CLVS1: variants seen among roughly 807,000 people sequenced by gnomAD.
CLVS1 encodes the protein clavesin 1, also known as clavesin-1.
Under a neutral mutation model 33.1 loss-of-function variants are expected in CLVS1, and 10 were observed. The ratio of observed to expected loss-of-function variants is 0.30; its 90% CI spans 0.19 to 0.51. CLVS1 has a LOEUF of 0.51. Ranked by LOEUF, CLVS1 falls within the 20% of genes least tolerant of loss-of-function variation. The pLI is 0.97. For synonymous variants in CLVS1, 163 were observed against 166.1 expected (o/e 0.98, Z 0.14); for missense variants, 343 against 433.4 (o/e 0.79, Z 1.85).
At chr8:61,389,073 C>T (rs1814198063) in intron 3 of CLVS1, among the ~76,000 whole-genome samples, 1 of 152,148 alleles carries the variant, frequency 6.6e-6, no homozygotes, top group Admixed American at 6.5e-5. Flanking sequence ...ACATAATGTA[C>T]ACACTTTATT....
At chr8:61,013,345 C>T in the CLVS1 span, among the ~76,000 whole-genome samples, 2 of 152,228 alleles carry the variant, frequency 1.3e-5, no homozygotes, top group African/African-American at 2.4e-5. Flanking sequence ...GCTCTGGTCC[C>T]CAGCTGTGGC....
intron 3 of CLVS1, among the ~76,000 whole-genome samples, chr8:61,406,632 G>T (rs1234664074): frequency 3.3e-5 from 5 of 151,938 alleles, no homozygotes; most frequent in African/African-American, 1.2e-4. Flanking sequence ...GGGGGGGATG[G>T]AGTCTTGCTC....
chr8:61,480,837 G>T (rs751663233), intron 5 of CLVS1, among the ~76,000 whole-genome samples: 2 of 152,054 alleles, frequency 1.3e-5, no homozygotes, highest in African/African-American at 4.8e-5. Flanking sequence ...AACATTGAAC[G>T]TGGAATGCTG....
chr8:61,493,866 G>A (rs1804181644), intron 5 of CLVS1, among the ~76,000 whole-genome samples: 1 of 152,106 alleles, frequency 6.6e-6, no homozygotes, highest in Non-Finnish European at 1.5e-5. Context: ...TCAAATGCAG[G>A]TTTGACTGAA....
chr8:61,262,892 G>A (rs1013671477), intron 2 of CLVS1, among the ~76,000 whole-genome samples: 6 of 152,176 alleles, frequency 3.9e-5, no homozygotes, highest in East Asian at 1.9e-4. Context: ...GAGGCACTAC[G>A]CATCTGCTCC....
At chr8:61,363,517 C>A (rs1813067816) in intron 2 of CLVS1, among the ~76,000 whole-genome samples, 1 of 152,154 alleles carries the variant, frequency 6.6e-6, no homozygotes, top group Non-Finnish European at 1.5e-5. Context: ...CCAATGTTTT[C>A]TTTCACCACT....
intron 2 of CLVS1, among the ~76,000 whole-genome samples, chr8:61,333,863 C>A (rs1474492618): frequency 6.6e-6 from 1 of 152,126 alleles, no homozygotes; most frequent in African/African-American, 2.4e-5. Context: ...CCAACCTCCA[C>A]CCTCCAATAG....
At chr8:61,364,819 T>C (rs1813128295) in intron 2 of CLVS1, among the ~76,000 whole-genome samples, 2 of 152,226 alleles carry the variant, frequency 1.3e-5, no homozygotes, top group South Asian at 4.1e-4. Flanking sequence ...GTTTGGAGTT[T>C]TCATTGGAGT....
the CLVS1 span, among the ~76,000 whole-genome samples, chr8:61,012,357 T>C: frequency 6.6e-6 from 1 of 152,244 alleles, no homozygotes; most frequent in East Asian, 1.9e-4. Flanking sequence ...GGCACCTTAG[T>C]ACCTTACATA....
At chr8:61,143,598 G>C (rs1806353333) in intron 2 of CLVS1, among the ~76,000 whole-genome samples, 1 of 151,938 alleles carries the variant, frequency 6.6e-6, no homozygotes, top group Non-Finnish European at 1.5e-5. Context: ...AGTCTTTGCT[G>C]TCTCATCCTT....
intron 2 of CLVS1, among the ~76,000 whole-genome samples, chr8:61,233,543 A>C (rs922412716): frequency 1.3e-5 from 2 of 150,860 alleles, no homozygotes; most frequent in Non-Finnish European, 3.0e-5. Context: ...AAGAAAAAGA[A>C]AAAAAAAAGT....
At chr8:61,259,602 C>A (rs981077878) in intron 2 of CLVS1, among the ~76,000 whole-genome samples, 1 of 152,162 alleles carries the variant, frequency 6.6e-6, no homozygotes, top group Admixed American at 6.5e-5. Flanking sequence ...AATAAAAGAA[C>A]GAGATGATGT....
At chr8:61,353,036 G>C (rs111907819) in intron 2 of CLVS1, among the ~76,000 whole-genome samples, 22 of 152,080 alleles carry the variant, frequency 1.4e-4, no homozygotes, top group African/African-American at 4.8e-4. Context: ...TCTTAAATGT[G>C]TGCATACATA....
rs150955165 is a variant in CLVS1, at chr8:61,258,917, G to T, written c.-151-40760G>T. 8.0e-3 allele frequency among the ~76,000 whole-genome samples: 1,224 copies of T among 152,264 alleles called. 16 individuals are homozygous for T. Among genetic ancestry groups the T allele is most frequent in the African/African-American group, 0.027 (1,138 of 41,550 alleles). Reference sequence around the variant, plus strand: ...ATTTTATACATTCCAAAGGTATAGAGTAAACAGAGAGGAGGAGGGTGATAC... The same window carrying T: ...ATTTTATACATTCCAAAGGTATAGATTAAACAGAGAGGAGGAGGGTGATAC... On this transcript the variant is annotated intron_variant, in intron 2 of 2. Coordinates refer to the CLVS1 transcript ENST00000522621.
At chr8:61,253,818 T>C (rs1244975666) in intron 2 of CLVS1, among the ~76,000 whole-genome samples, 1 of 152,120 alleles carries the variant, frequency 6.6e-6, no homozygotes, top group Non-Finnish European at 1.5e-5. Context: ...AGTTAGCCAT[T>C]TGTCTTATCT....
chr8:61,047,454 T>G, the CLVS1 span, among the ~76,000 whole-genome samples: 1 of 152,262 alleles, frequency 6.6e-6, no homozygotes, highest in African/African-American at 2.4e-5. Context: ...ATCCCATTAC[T>G]GGGTATATAC....
chr8:61,004,494 C>T, the CLVS1 span, among the ~76,000 whole-genome samples: 1 of 152,222 alleles, frequency 6.6e-6, no homozygotes, highest in Non-Finnish European at 1.5e-5. Context: ...TCAGTTCAGA[C>T]TCCAGGACCA....
chr8:61,355,997 C>T (rs535443173), intron 2 of CLVS1, among the ~76,000 whole-genome samples: 1 of 152,216 alleles, frequency 6.6e-6, no homozygotes, highest in Admixed American at 6.5e-5. Flanking sequence ...ACACTGACTT[C>T]CACAATGATT....
the CLVS1 span, among the ~76,000 whole-genome samples, chr8:61,006,213 T>C: frequency 6.6e-6 from 1 of 152,214 alleles, no homozygotes; most frequent in South Asian, 2.1e-4. Flanking sequence ...CTGTTGCTTT[T>C]GCATCAGAAG....
Sources: allele counts gnomAD v4.1 joint callset (sites outside exome capture counted in the v4.1 genomes callset), GRCh38; gene constraint gnomAD v4.1.1; transcripts MANE v1.5; gene names NCBI Gene and HGNC (gene_info 2026-07-23, HGNC 2026-07-21).